The following DNAJC5B variants were observed in gnomAD, a reference collection of about 807,000 sequenced individuals.
The protein encoded by DNAJC5B is DnaJ heat shock protein family (Hsp40) member C5 beta.
In DNAJC5B, 23 loss-of-function variants were observed where a neutral mutation model predicts 24.7. That is an observed-to-expected ratio of 0.93 (90% CI 0.67 to 1.32). The LOEUF is 1.32. Ranked by LOEUF, DNAJC5B falls within the 40% of genes most tolerant of loss-of-function variation. The pLI is 0.00. For synonymous variants in DNAJC5B, 101 were observed against 90.1 expected (o/e 1.12, Z -0.68); for missense variants, 238 against 240.8 (o/e 0.99, Z 0.08).
intron 2 of DNAJC5B, among the ~76,000 whole-genome samples, chr8:66,050,624 G>A (rs1806824910): frequency 6.6e-6 from 1 of 152,172 alleles, no homozygotes; most frequent in African/African-American, 2.4e-5. Flanking sequence ...GTAAGGCCGA[G>A]GCAGGTCTCA....
intron 3 of DNAJC5B, among the ~76,000 whole-genome samples, chr8:66,065,052 T>C (rs943360461): frequency 6.6e-6 from 1 of 152,154 alleles, no homozygotes; most frequent in African/African-American, 2.4e-5. Context: ...CTAGTAAAAA[T>C]GTGGGGAAAT....
chr8:66,095,473 C>T (rs1360750193), intron 5 of DNAJC5B, among the ~76,000 whole-genome samples: 2 of 151,616 alleles, frequency 1.3e-5, no homozygotes, highest in Non-Finnish European at 2.9e-5. Context: ...CTCAAATAAA[C>T]AACTTTTGGT....
chr8:66,052,441 A>G (rs1272628124), intron 3 of DNAJC5B, among the ~76,000 whole-genome samples: 1 of 152,154 alleles, frequency 6.6e-6, no homozygotes, highest in Non-Finnish European at 1.5e-5. Context: ...TTTTTATTTT[A>G]AGTCCAAGGA....
chr8:66,034,518 C>T (rs1806438063), intron 1 of DNAJC5B, among the ~76,000 whole-genome samples: 1 of 151,478 alleles, frequency 6.6e-6, no homozygotes, highest in Admixed American at 6.6e-5. Context: ...TTGGGGAGCT[C>T]GGAGGTATCA....
upstream of DNAJC5B, among the ~76,000 whole-genome samples, chr8:66,020,169 T>C (rs376352199): frequency 2.0e-5 from 3 of 152,240 alleles, no homozygotes; most frequent in East Asian, 1.9e-4. Flanking sequence ...AAGTAACCTT[T>C]CCACTTAATT....
intron 2 of DNAJC5B, among the ~76,000 whole-genome samples, chr8:66,048,505 T>TC (rs1806774215): frequency 6.6e-6 from 1 of 152,158 alleles, no homozygotes; most frequent in South Asian, 2.1e-4. Flanking sequence ...CTCTAAGTTC[T>TC]CCCCCAGAGG....
intron 3 of DNAJC5B, chr8:66,057,679 C>A (rs1806995790): frequency 6.6e-6 from 1 of 152,112 alleles, no homozygotes; most frequent in Admixed American, 6.5e-5. Context: ...TTGAAAGCAG[C>A]CAGGGAGAAA....
At chr8:66,052,262 G>A (rs1209332066) in intron 3 of DNAJC5B, among the ~76,000 whole-genome samples, 1 of 151,646 alleles carries the variant, frequency 6.6e-6, no homozygotes, top group African/African-American at 2.4e-5. Context: ...CCTGCCAATC[G>A]CTGTCATTTA....
intron 3 of DNAJC5B, among the ~76,000 whole-genome samples, chr8:66,069,278 C>A (rs146126271): frequency 0.017 from 2,621 of 151,864 alleles, 63 homozygotes; most frequent in African/African-American, 0.059. Context: ...AGAAAAAAGT[C>A]ACTTTGAATA....
At chr8:66,033,397 T>C (rs1806403080) in intron 1 of DNAJC5B, among the ~76,000 whole-genome samples, 1 of 152,202 alleles carries the variant, frequency 6.6e-6, no homozygotes, top group Non-Finnish European at 1.5e-5. Context: ...CCTAATTGAC[T>C]AGAATATGAC....
rs1201703244 is a variant in DNAJC5B at position 66,064,025 on chromosome 8, G to T, written c.119+12359G>T. On this transcript the variant is annotated intron_variant, in intron 3 of 5. Coordinates refer to ENST00000276570, the MANE Select transcript of DNAJC5B (RefSeq NM_033105.6). ...TAGCTAATGTCATCTTCTTGGGGGT[G>T]AAACAGGAAATCAGAATGATTAAGA... Among the ~76,000 whole-genome samples the T allele has an allele frequency of 2.6e-5, 4 of 152,150 alleles. No homozygotes were observed. The East Asian group carries it at 7.7e-4, about 29-fold the overall frequency.
intron 3 of DNAJC5B, 132 bp from the exon 4 acceptor site, chr8:66,076,528 C>A: frequency 2.1e-6 from 2 of 948,768 alleles, no homozygotes; most frequent in Non-Finnish European, 1.6e-6. Flanking sequence ...TTAATCACCG[C>A]TAGTCTGAAA....
intron 1 of DNAJC5B, among the ~76,000 whole-genome samples, chr8:66,042,597 CTCTTCTTCTTCT>C (rs35507342): frequency 1.0e-4 from 15 of 144,888 alleles, no homozygotes; most frequent in Admixed American, 9.6e-4. Flanking sequence ...CTTCTTCTTC[CTCTTCTTCTTCT>C]TCTTCTTCTT....
chr8:66,094,117 A>C (rs1224806552), intron 5 of DNAJC5B, among the ~76,000 whole-genome samples: 1 of 151,922 alleles, frequency 6.6e-6, no homozygotes, highest in Non-Finnish European at 1.5e-5. Flanking sequence ...AATCCTCCTC[A>C]CTTGTACTTC....
intron 2 of DNAJC5B, among the ~76,000 whole-genome samples, chr8:66,049,800 T>C (rs74574654): frequency 1.1e-3 from 169 of 152,324 alleles, no homozygotes; most frequent in African/African-American, 3.8e-3. Flanking sequence ...GAGTGAGTCA[T>C]AGAGCACGAT....
chr8:66,040,571 T>C (rs993290782), intron 1 of DNAJC5B, among the ~76,000 whole-genome samples: 2 of 152,122 alleles, frequency 1.3e-5, no homozygotes, highest in Non-Finnish European at 2.9e-5. Context: ...TCGGCAGGTG[T>C]TTTCCACATT....
At chr8:66,016,875 T>TAC (rs1805967804), upstream of DNAJC5B, among the ~76,000 whole-genome samples, 2 of 152,208 alleles carry the variant, frequency 1.3e-5, no homozygotes, top group Admixed American at 1.3e-4. Flanking sequence ...TTAGCAGCAG[T>TAC]CTTTTGGAAT....
chr8:66,073,694 T>C (rs1033169654), intron 3 of DNAJC5B, among the ~76,000 whole-genome samples: 1 of 152,158 alleles, frequency 6.6e-6, no homozygotes, highest in South Asian at 2.1e-4. Flanking sequence ...AATTGACCAA[T>C]GGAGCAGAAT....
At chr8:66,022,482 G>A (rs1009085354) in intron 1 of DNAJC5B, among the ~76,000 whole-genome samples, 2 of 152,158 alleles carry the variant, frequency 1.3e-5, no homozygotes, top group African/African-American at 4.8e-5. Flanking sequence ...CAGGCACGCT[G>A]AGCTCTGCCT....
Sources: allele counts gnomAD v4.1 joint callset (sites outside exome capture counted in the v4.1 genomes callset), GRCh38; gene constraint gnomAD v4.1.1; transcripts MANE v1.5; gene names NCBI Gene and HGNC (gene_info 2026-07-23, HGNC 2026-07-21).